PRKD3: variants seen among roughly 807,000 people sequenced by gnomAD.
PRKD3 encodes protein kinase D3, also known as serine/threonine-protein kinase D3.
Under a neutral mutation model 99.2 loss-of-function variants are expected in PRKD3, and 47 were observed. The ratio of observed to expected loss-of-function variants is 0.47; its 90% CI spans 0.38 to 0.60. The LOEUF (loss-of-function observed/expected upper bound fraction) is 0.60. PRKD3 is among the 20% of genes least tolerant of loss of function. The pLI is 0.00. For missense variants in PRKD3, 1,019 were observed against 1,088.4 expected (o/e 0.94, Z 0.90); for synonymous variants, 392 against 355.4 (o/e 1.10, Z -1.16).
intron 7 of PRKD3, among the ~76,000 whole-genome samples, chr2:37,280,318 T>G (rs542883914): frequency 6.6e-6 from 1 of 152,298 alleles, no homozygotes; most frequent in African/African-American, 2.4e-5. Flanking sequence ...GTGCTGGGAT[T>G]ACAGGCGTGA....
intron 14 of PRKD3, among the ~76,000 whole-genome samples, chr2:37,266,483 AC>A (rs1367550943): frequency 1.7e-5 from 2 of 121,036 alleles, no homozygotes; most frequent in East Asian, 2.4e-4. Context: ...GTGCCACCAC[AC>A]CCGGCTTTTT....
chr2:37,299,176 T>C (rs1371609267), intron 2 of PRKD3, among the ~76,000 whole-genome samples: 2 of 152,288 alleles, frequency 1.3e-5, no homozygotes, highest in East Asian at 3.9e-4. Context: ...TTGGCATCTA[T>C]TGAGATGACC....
intron 3 of PRKD3, 36 bp downstream of exon 3, chr2:37,293,097 G>A (rs182683816): frequency 4.4e-5 from 67 of 1,515,194 alleles, no homozygotes; most frequent in Non-Finnish European, 5.3e-5. Context: ...CTCTTTGAGG[G>A]GAAAAGGCAA....
chr2:37,292,149 T>C (rs1670458562), intron 3 of PRKD3, among the ~76,000 whole-genome samples: 1 of 152,204 alleles, frequency 6.6e-6, no homozygotes, highest in African/African-American at 2.4e-5. Context: ...CTTTTTTTCC[T>C]GATTCTCTTT....
At position 37,274,536 on chromosome 2, in the gene PRKD3, G is replaced by A; in HGVS notation, c.1536C>T (p.Ala512=). 6.2e-7 allele frequency: 1 copy of A among 1,614,106 alleles called. No homozygotes were observed. Among genetic ancestry groups the A allele is most frequent in the Non-Finnish European group, 8.5e-7 (1 of 1,179,994 alleles). Residue 512 remains alanine, a synonymous_variant, in exon 11 of 19, where the codon GCC becomes GCT. Coordinates refer to ENST00000234179, the MANE Select transcript of PRKD3 (RefSeq NM_005813.6). ...GDSSHNPVLA[A]TGVGLDVAQS... ...GTGCTACATCAAGTCCAACTCCAGT[G>A]GCAGCAAGAACAGGATTATGAGAGC... is the stretch of plus-strand genomic sequence containing the variant.
chr2:37,307,045 G>C (rs1249984550), intron 2 of PRKD3, among the ~76,000 whole-genome samples: 1 of 152,154 alleles, frequency 6.6e-6, no homozygotes, highest in African/African-American at 2.4e-5. Context: ...TTTTGGGCCA[G>C]ATAATGCTTT....
Position 37,316,495 on chromosome 2 carries a change from G to C in PRKD3, c.30C>G (p.Ala10=), listed in dbSNP as rs147391760. 7.4e-5 allele frequency: 119 copies of C among 1,613,940 alleles called. No individual in the cohort carries two copies. The African/African-American group carries it at 1.3e-3, about 18-fold the overall frequency. Residue 10 remains alanine, a synonymous_variant, in exon 2 of 19, where the codon GCC becomes GCG. Coordinates refer to ENST00000234179, the MANE Select transcript of PRKD3 (RefSeq NM_005813.6). MSANNSPPS[A]QKSVLPTAIP... ...TAGCTGTGGGTAATACAGACTTCTG[G>C]GCTGATGGAGGGGAATTATTTGCAG... is the stretch of plus-strand genomic sequence containing the variant.
chr2:37,287,667 C>A (rs1158998140), intron 5 of PRKD3, among the ~76,000 whole-genome samples: 1 of 152,044 alleles, frequency 6.6e-6, no homozygotes, highest in Non-Finnish European at 1.5e-5. Flanking sequence ...AATTTTGTGT[C>A]CCTAGTATAT....
intron 5 of PRKD3, among the ~76,000 whole-genome samples, chr2:37,286,635 A>G (rs1306226349): frequency 2.6e-5 from 4 of 152,228 alleles, no homozygotes; most frequent in Admixed American, 2.0e-4. Flanking sequence ...TTTGCCAGGC[A>G]CATTTCAGCA....
chr2:37,283,257 C>T (rs569693532), intron 6 of PRKD3, among the ~76,000 whole-genome samples: 22 of 152,272 alleles, frequency 1.4e-4, no homozygotes, highest in Admixed American at 1.4e-3. Flanking sequence ...CAAATTCTTG[C>T]GCCCTATCCC....
chr2:37,317,127 T>C lies in PRKD3; in HGVS notation c.-603A>G. On this transcript the variant is annotated 5_prime_UTR_variant, in exon 2 of 19. The change abolishes an upstream ATG in the 5' untranslated region. Transcript: ENST00000234179. ...TTTAAAATAGTACAGGCATATTTCATTAGATGAATGGGTCCATCGAGAAAA... is the reference window on the plus strand; with the variant it reads ...TTTAAAATAGTACAGGCATATTTCACTAGATGAATGGGTCCATCGAGAAAA... 1 of 985,458 alleles carries C rather than the reference T, an allele frequency of 1.0e-6. No individual in the cohort carries two copies. Among genetic ancestry groups the C allele is most frequent in the Non-Finnish European group, 1.2e-6 (1 of 829,916 alleles). The allele number at this position is 985,458 out of a possible 1,614,324, so 61.0% of individuals were successfully genotyped here.
intron 3 of PRKD3, among the ~76,000 whole-genome samples, chr2:37,292,305 G>T (rs1484812424): frequency 2.6e-5 from 4 of 151,482 alleles, no homozygotes; most frequent in African/African-American, 9.7e-5. Flanking sequence ...CCTAAGCTTA[G>T]TAACATTCAA....
intron 11 of PRKD3, among the ~76,000 whole-genome samples, chr2:37,274,082 T>C (rs1458532838): frequency 6.6e-6 from 1 of 152,194 alleles, no homozygotes; most frequent in Non-Finnish European, 1.5e-5. Context: ...GTTCTGTATC[T>C]TACAGGTTCT....
At chr2:37,254,348 G>C (rs567252464) in intron 17 of PRKD3, 59 bp from the exon 18 acceptor site, 2 of 1,338,830 alleles carry the variant, frequency 1.5e-6, no homozygotes, top group East Asian at 4.6e-5. Flanking sequence ...CCCCAAACTT[G>C]TGACTGCCTA....
At chr2:37,302,343 C>CAGAAT (rs1342042148) in intron 2 of PRKD3, among the ~76,000 whole-genome samples, 2 of 152,188 alleles carry the variant, frequency 1.3e-5, no homozygotes, top group Non-Finnish European at 2.9e-5. Context: ...GGGAATGCAA[C>CAGAAT]AGAATATCAG....
chr2:37,279,513 C>CA (rs1274864541), intron 8 of PRKD3: 18 of 291,710 alleles, frequency 6.2e-5, no homozygotes, highest in Non-Finnish European at 9.6e-5. Flanking sequence ...GAACAAAAAA[C>CA]AAAAAACGAA....
chr2:37,257,002 A>C, intron 16 of PRKD3, 73 bp from the exon 17 acceptor site: 1 of 1,479,464 alleles, frequency 6.8e-7, no homozygotes, highest in South Asian at 1.2e-5. Context: ...TAAATATAAC[A>C]CTGTATGTAT....
At position 37,301,744 on chromosome 2, in the gene PRKD3, A is replaced by G. The variant is rs1670941321; in HGVS notation, c.289-8473T>C. Among the ~76,000 whole-genome samples, 4 of 152,284 alleles carry G rather than the reference A, an allele frequency of 2.6e-5. No individual in the cohort carries two copies. In the South Asian group the frequency reaches 8.3e-4, roughly 32 times the overall value. ...TATATATATCCCTTCTAAACATTCTATTCTCCTGAGAGGGAAGAAGTTCAG... is the reference window on the plus strand; with the variant it reads ...TATATATATCCCTTCTAAACATTCTGTTCTCCTGAGAGGGAAGAAGTTCAG... On this transcript the variant is annotated intron_variant, in intron 2 of 18. Transcript: ENST00000234179.
chr2:37,289,405 G>A lies in PRKD3; in HGVS notation c.668C>T (p.Ser223Leu), dbSNP rs1384632161. The A allele has an allele frequency of 1.2e-6, 2 of 1,614,028 alleles. No homozygotes were observed. Among genetic ancestry groups the A allele is most frequent in the African/African-American group, 2.7e-5 (2 of 74,914 alleles). The change falls in exon 5 of 19, where the codon TCA becomes TTA. Residue 223 changes from serine (S) to leucine (L), a missense_variant. Transcript: ENST00000234179. ...SNVSLPGPGL[S>L]VPRPLQPEYV... ...TTCAGGCTGTAGGGGTCTTGGAACTGAGAGGCCGGGTCCTGGTAAAGATAC... is the reference window on the plus strand; with the variant it reads ...TTCAGGCTGTAGGGGTCTTGGAACTAAGAGGCCGGGTCCTGGTAAAGATAC...
Sources: gnomAD v4.1 joint callset for allele counts (sites outside exome capture counted in the v4.1 genomes callset) on GRCh38, gnomAD v4.1.1 for gene constraint, MANE v1.5 for transcripts, NCBI Gene and HGNC (gene_info 2026-07-23, HGNC 2026-07-21) for gene names.